Variants in ZNF33A observed in about 807,000 individuals in gnomAD.
The protein encoded by ZNF33A is brain my041 protein.
In ZNF33A, 9 loss-of-function variants were observed where a neutral mutation model predicts 15.9. The observed-to-expected ratio is 0.57, with a 90% confidence interval of 0.34 to 0.99. The LOEUF (loss-of-function observed/expected upper bound fraction) is 0.99, where lower values mean the gene tolerates loss of function less well. ZNF33A is among the 50% of genes least tolerant of loss of function. The pLI is 0.02. For missense variants in ZNF33A, 843 were observed against 941.6 expected, an observed-to-expected ratio of 0.90 and a Z score of 1.37; for synonymous variants, 294 against 324.2, an observed-to-expected ratio of 0.91 and a Z score of 1.00.
chr10:38,017,462 CT>C (rs912595169), intron 4 of ZNF33A, 76 bp downstream of exon 4: 1 of 1,190,804 alleles, frequency 8.4e-7, no homozygotes, highest in African/African-American at 1.5e-5. Flanking sequence ...GGTTTGGCAA[CT>C]TTGGAAGATT....
intron 4 of ZNF33A, among the ~76,000 whole-genome samples, chr10:38,019,376 A>G (rs1030010872): frequency 6.6e-6 from 1 of 152,128 alleles, no homozygotes; most frequent in African/African-American, 2.4e-5. Flanking sequence ...TTCTTAATCC[A>G]GTCTATTGTT....
At chr10:38,049,446 T>C (rs1391708366) in intron 4 of ZNF33A, among the ~76,000 whole-genome samples, 3 of 152,156 alleles carry the variant, frequency 2.0e-5, no homozygotes, top group Non-Finnish European at 4.4e-5. Context: ...AACACAAATA[T>C]GCATTGTGTG....
At chr10:38,013,863 C>T (rs1183396397) in intron 2 of ZNF33A, among the ~76,000 whole-genome samples, 1 of 151,934 alleles carries the variant, frequency 6.6e-6, no homozygotes, top group Non-Finnish European at 1.5e-5. Context: ...CAGGTCAAAA[C>T]AAACATTGCC....
chr10:38,056,762 T>C lies in ZNF33A; in HGVS notation c.*202T>C. ...ATGCAAATAAGGTTATGTTAGAATT[T>C]ACACTGAGGAGAAAATTGTCAATTT... On this transcript the variant is annotated 3_prime_UTR_variant, in exon 5 of 5. Transcript: ENST00000432900. The C allele has an allele frequency of 2.4e-6, 3 of 1,231,452 alleles. No homozygotes were observed. Among genetic ancestry groups the C allele is most frequent in the Non-Finnish European group, 3.0e-6 (3 of 986,928 alleles). The allele number at this position is 1,231,452 out of a possible 1,614,324, so 76.3% of individuals were successfully genotyped here.
rs1219809666 is a variant in ZNF33A at position 38,012,182 on chromosome 10, C to T, written c.-44-116C>T. On this transcript the variant is annotated intron_variant, in intron 1 of 4. Transcript: ENST00000432900. ...CAAAGTGTCAGAGGACATTGATACT[C>T]TCCCAGAGGAAGCATTTTACCTAGT... 3.1e-6 allele frequency: 3 copies of T among 981,282 alleles called. No individual in the cohort carries two copies. The Admixed American group carries it at 7.3e-5, about 24-fold the overall frequency. The allele number at this position is 981,282 out of a possible 1,614,324, so 60.8% of individuals were successfully genotyped here. A position where few individuals can be genotyped will look rare whatever the true frequency, so the allele number is the denominator to read the frequency against.
chr10:38,035,583 T>A (rs2135662924), intron 4 of ZNF33A, among the ~76,000 whole-genome samples: 1 of 152,320 alleles, frequency 6.6e-6, no homozygotes, highest in East Asian at 1.9e-4. Flanking sequence ...TCCAAAGTAA[T>A]TAAGGTCAGG....
Position 38,010,693 on chromosome 10 carries a change from G to A in ZNF33A, c.-135G>A, listed in dbSNP as rs2064124699. 1.9e-6 allele frequency: 3 copies of A among 1,597,402 alleles called. No individual in the cohort carries two copies. In the East Asian group the frequency reaches 6.7e-5, roughly 36 times the overall value. On this transcript the variant is annotated 5_prime_UTR_variant, in exon 1 of 5. Transcript: ENST00000432900. ...CGTCTGCGTTTCCGCCTTTCCTTTT[G>A]TTTTTCTCAGGTTTTGCGTGGGAGG...
chr10:38,042,519 CT>C (rs1726104526), intron 4 of ZNF33A, among the ~76,000 whole-genome samples: 10 of 79,210 alleles, frequency 1.3e-4, no homozygotes, highest in African/African-American at 4.6e-4. Context: ...TTTTTTTTTG[CT>C]TTGTTATTTG....
chr10:38,013,572 C>T (rs1207188395), intron 2 of ZNF33A, among the ~76,000 whole-genome samples: 6 of 151,716 alleles, frequency 4.0e-5, no homozygotes, highest in African/African-American at 7.3e-5. Context: ...GATTCTCCTG[C>T]CTCAACCTCC....
intron 4 of ZNF33A, among the ~76,000 whole-genome samples, chr10:38,047,984 T>G (rs2066030885): frequency 1.3e-5 from 2 of 152,182 alleles, no homozygotes; most frequent in Non-Finnish European, 1.5e-5. Flanking sequence ...GATTTCTCCT[T>G]AAATGAGGCA....
At chr10:38,011,516 A>G (rs2064183752) in intron 1 of ZNF33A, among the ~76,000 whole-genome samples, 1 of 152,222 alleles carries the variant, frequency 6.6e-6, no homozygotes, top group Admixed American at 6.5e-5. Context: ...CGGAGGTTAC[A>G]GGTAGCCAAG....
rs757188582 is a variant in ZNF33A at position 38,055,536 on chromosome 10, G to A, written c.1412G>A (p.Cys471Tyr). Reference sequence around the variant, plus strand: ...CACACAGGTGAGAAACCTTTTGAATGTCTTGAGTGTGGGAAATCCTTTAGT... The same window carrying A: ...CACACAGGTGAGAAACCTTTTGAATATCTTGAGTGTGGGAAATCCTTTAGT... The part of the protein sequence containing the change: ...RTHTGEKPFE[C>Y]LECGKSFSEK... Residue 471 changes from cysteine (C) to tyrosine (Y), a missense_variant, in exon 5 of 5, where the codon TGT becomes TAT. Coordinates refer to ENST00000432900, the MANE Select transcript of ZNF33A (RefSeq NM_006954.2). 6.2e-7 allele frequency: 1 copy of A among 1,614,082 alleles called. No individual in the cohort carries two copies. Among genetic ancestry groups the A allele is most frequent in the Admixed American group, 1.7e-5 (1 of 60,002 alleles).
At chr10:38,021,252 A>G (rs563790333) in intron 4 of ZNF33A, among the ~76,000 whole-genome samples, 4 of 152,384 alleles carry the variant, frequency 2.6e-5, no homozygotes, top group Admixed American at 6.5e-5. Context: ...GGAACATTAT[A>G]TAATGATAAA....
At chr10:38,032,080 T>C (rs1308324810) in intron 4 of ZNF33A, among the ~76,000 whole-genome samples, 1 of 152,212 alleles carries the variant, frequency 6.6e-6, no homozygotes, top group Non-Finnish European at 1.5e-5. Flanking sequence ...TCGCCAGTTT[T>C]ACTGAATCTC....
intron 4 of ZNF33A, among the ~76,000 whole-genome samples, chr10:38,044,288 A>G (rs1231426719): frequency 6.9e-6 from 1 of 144,964 alleles, no homozygotes; most frequent in African/African-American, 2.6e-5. Context: ...GCTCACTGCA[A>G]CCTCTGCCTC....
rs146191576 is a variant in ZNF33A, at chr10:38,037,624, G to A, written c.251-16751G>A. ...CAGGTGTGAACTACTGTGCCCAGCC[G>A]AAAAGGTGATTTTTCAACATTAAAT... On this transcript the variant is annotated intron_variant, in intron 4 of 4. Coordinates refer to ENST00000432900, the MANE Select transcript of ZNF33A (RefSeq NM_006954.2). Among the ~76,000 whole-genome samples, 454 of 152,166 alleles carry A rather than the reference G, an allele frequency of 3.0e-3. 1 individual carries two copies. Among genetic ancestry groups the A allele is most frequent in the Non-Finnish European group, 4.8e-3 (324 of 67,988 alleles).
chr10:38,042,862 G>A (rs1488733835), intron 4 of ZNF33A, among the ~76,000 whole-genome samples: 1 of 152,112 alleles, frequency 6.6e-6, no homozygotes, highest in African/African-American at 2.4e-5. Flanking sequence ...CTGTCTTATT[G>A]TTAAATACAT....
At chr10:38,044,440 C>A (rs1364862892) in intron 4 of ZNF33A, among the ~76,000 whole-genome samples, 9 of 151,894 alleles carry the variant, frequency 5.9e-5, no homozygotes, top group African/African-American at 1.9e-4. Context: ...GAACTCCTGA[C>A]CGCAGGTGAT....
chr10:38,018,457 G>A (rs2064569631), intron 4 of ZNF33A, among the ~76,000 whole-genome samples: 1 of 152,172 alleles, frequency 6.6e-6, no homozygotes, highest in Non-Finnish European at 1.5e-5. Context: ...GGTGAGGTGA[G>A]GGAGACAGCT....
Sources: allele counts gnomAD v4.1 joint callset (sites outside exome capture counted in the v4.1 genomes callset), GRCh38; gene constraint gnomAD v4.1.1; transcripts MANE v1.5; gene names NCBI Gene and HGNC (gene_info 2026-07-23, HGNC 2026-07-21).